The following BCAP31 variants were observed in gnomAD, a reference collection of about 807,000 sequenced individuals.
BCAP31 encodes B cell receptor associated protein 31, also known as B-cell receptor-associated protein 31.
For synonymous variants in BCAP31, 75 were observed against 80.9 expected, an observed-to-expected ratio of 0.93 and a Z score of 0.39; for missense variants, 124 against 193.0, an observed-to-expected ratio of 0.64 and a Z score of 2.12.
chrX:153,721,635 C>A (rs1160138248), intron 2 of BCAP31, among the ~76,000 whole-genome samples: 1 of 106,807 alleles, frequency 9.4e-6, no homozygotes, highest in Non-Finnish European at 1.9e-5. Flanking sequence ...CGTCTGTAAA[C>A]CCAGCACTTT....
At chrX:153,719,614 A>T (rs2091651274) in intron 3 of BCAP31, among the ~76,000 whole-genome samples, 1 of 109,817 alleles carries the variant, frequency 9.1e-6, no homozygotes, top group African/African-American at 3.3e-5. Context: ...ACAGCCCCCC[A>T]CCCGCTCAGT....
intron 2 of BCAP31, among the ~76,000 whole-genome samples, chrX:153,721,691 C>T (rs1209097756): frequency 9.3e-6 from 1 of 107,229 alleles, no homozygotes; most frequent in Non-Finnish European, 1.9e-5. Context: ...AGTTCAAGAC[C>T]GGCCTGGCCA....
rs1213652223 is a variant in BCAP31, at chrX:153,706,186, TC to T, written c.342-2093del. Among the ~76,000 whole-genome samples the T allele has an allele frequency of 3.7e-5, 4 of 108,686 alleles. No individual in the cohort carries two copies. The Admixed American group carries it at 3.9e-4, about 11-fold the overall frequency. The allele number at this position is 108,686 out of a possible 115,157, so 94.4% of individuals were successfully genotyped here. On this transcript the variant is annotated intron_variant, in intron 4 of 7. Coordinates refer to ENST00000345046, the MANE Select transcript of BCAP31 (RefSeq NM_001256447.2). Reference sequence around the variant, plus strand: ...TCCTCTTGCCAACCCTCACAGGCGCTCCCCACCCCCACAGCACCCCGGGCAT... The same window carrying T: ...TCCTCTTGCCAACCCTCACAGGCGCTCCCACCCCCACAGCACCCCGGGCAT...
At chrX:153,715,459 G>T in intron 4 of BCAP31, 83 bp downstream of exon 4, 1 of 1,133,334 alleles carries the variant, frequency 8.8e-7, no homozygotes, top group Non-Finnish European at 1.2e-6. Flanking sequence ...GTCACAGGGG[G>T]GAGACTGAGC....
intron 4 of BCAP31, among the ~76,000 whole-genome samples, chrX:153,707,081 T>C (rs1328582451): frequency 1.8e-5 from 2 of 110,947 alleles, no homozygotes; most frequent in Non-Finnish European, 3.8e-5. Flanking sequence ...TGTGTGGCAG[T>C]TCTCCAGGCC....
In BCAP31 at chrX:153,700,921, G is replaced by C. The variant is rs782150657; in HGVS notation, c.*16C>G. On this transcript the variant is annotated 3_prime_UTR_variant, in exon 8 of 8. Coordinates refer to ENST00000345046, the MANE Select transcript of BCAP31 (RefSeq NM_001256447.2). ...CCAGGTGGAAGCCAGCTGCAGGCAG[G>C]GGAGGAAGGAGGCCCTTACTCTTCC... 4 of 1,199,560 alleles carry C rather than the reference G, an allele frequency of 3.3e-6. No homozygotes were observed. In the African/African-American group the frequency reaches 7.1e-5, roughly 21 times the overall value.
At chrX:153,722,584 G>A (rs782069674) in intron 2 of BCAP31, among the ~76,000 whole-genome samples, 22 of 111,905 alleles carry the variant, frequency 2.0e-4, no homozygotes, top group Non-Finnish European at 3.6e-4. Flanking sequence ...GTGGAGATTT[G>A]GCCTTATTTG....
rs782635531 is a variant in BCAP31, at chrX:153,715,556, G to A, written c.327C>T (p.Ser109=). 2 of 1,209,509 alleles carry A rather than the reference G, an allele frequency of 1.7e-6. No homozygotes were observed. The highest frequency in any genetic ancestry group is 3.5e-5 in the African/African-American group (2 of 57,033). ...AQRNLYIAGF[S]LLLSFLLRRL... is the part of the protein sequence containing the mutation. Reference sequence around the variant, plus strand: ...CCCCCACTCACAAGGACAGCAGCAAGGAAAAGCCAGCAATGTAGAGATTCC... The same window carrying A: ...CCCCCACTCACAAGGACAGCAGCAAAGAAAAGCCAGCAATGTAGAGATTCC... The change falls in exon 4 of 8, where the codon TCC becomes TCT. Residue 109 remains serine, a synonymous_variant. Coordinates refer to ENST00000345046, the MANE Select transcript of BCAP31 (RefSeq NM_001256447.2).
intron 3 of BCAP31, among the ~76,000 whole-genome samples, chrX:153,719,232 T>C (rs2091649075): frequency 9.0e-6 from 1 of 111,704 alleles, no homozygotes; most frequent in South Asian, 3.8e-4. Context: ...ATCCTCAGCA[T>C]GGTCCCTCCC....
intron 1 of BCAP31, 111 bp downstream of exon 1, chrX:153,724,223 G>A: frequency 2.3e-5 from 5 of 213,047 alleles, no homozygotes; most frequent in South Asian, 2.3e-4. Context: ...TGCGGGCCCC[G>A]AGATTCCCCG....
At chrX:153,722,297 G>C (rs1226652482) in intron 2 of BCAP31, among the ~76,000 whole-genome samples, 1 of 112,145 alleles carries the variant, frequency 8.9e-6, no homozygotes, top group Non-Finnish European at 1.9e-5. Flanking sequence ...TTTGGCATTC[G>C]GTAGATAAAC....
In BCAP31 at chrX:153,700,800, G is replaced by C; in HGVS notation, c.*137C>G. 2 of 574,599 alleles carry C rather than the reference G, an allele frequency of 3.5e-6. No homozygotes were observed. Among genetic ancestry groups the C allele is most frequent in the East Asian group, 3.6e-5 (1 of 27,501 alleles). 47.4% of individuals were successfully genotyped at this position (574,599 alleles called of 1,213,427 possible). A position where few individuals can be genotyped will look rare whatever the true frequency, so the allele number is the denominator to read the frequency against. On this transcript the variant is annotated 3_prime_UTR_variant, in exon 8 of 8. Coordinates refer to ENST00000345046, the MANE Select transcript of BCAP31 (RefSeq NM_001256447.2). ...GAGTGTGGACAAGGGCCGAGATGAC[G>C]AGCTATGAGCTGTGGAAGGGAATGG... is the stretch of plus-strand genomic sequence containing the variant.
At chrX:153,702,143 GA>G in intron 6 of BCAP31, 36 bp from the exon 7 acceptor site, 1 of 1,132,203 alleles carries the variant, frequency 8.8e-7, no homozygotes, top group Non-Finnish European at 1.2e-6. Context: ...AAACAGAAAC[GA>G]AAAGACAGGA....
At chrX:153,704,520 C>T (rs1168548285) in intron 4 of BCAP31, among the ~76,000 whole-genome samples, 3 of 112,286 alleles carry the variant, frequency 2.7e-5, no homozygotes, top group Non-Finnish European at 5.6e-5. Context: ...CATGCCAGGC[C>T]GCATCCTCAC....
chrX:153,702,576 C>T (rs782120975), intron 6 of BCAP31: 2 of 191,992 alleles, frequency 1.0e-5, no homozygotes, highest in East Asian at 2.5e-4. Flanking sequence ...CCACTCCCCT[C>T]CTGAACGCCA....
At chrX:153,703,290 C>T (rs1250254706) in intron 5 of BCAP31, among the ~76,000 whole-genome samples, 1 of 113,411 alleles carries the variant, frequency 8.8e-6, no homozygotes, top group Non-Finnish European at 1.9e-5. Context: ...TGCAGCTCGC[C>T]GGGCACGCCT....
intron 7 of BCAP31, 73 bp downstream of exon 7, chrX:153,701,934 C>G: frequency 9.7e-7 from 1 of 1,034,979 alleles, no homozygotes; most frequent in Non-Finnish European, 1.3e-6. Context: ...GGAAGGTTCC[C>G]TCCGCACCCG....
chrX:153,719,340 C>T (rs2091649714), intron 3 of BCAP31, among the ~76,000 whole-genome samples: 1 of 111,596 alleles, frequency 9.0e-6, no homozygotes, highest in Non-Finnish European at 1.9e-5. Flanking sequence ...TATTACCTAC[C>T]TACTCCTGGC....
intron 5 of BCAP31, among the ~76,000 whole-genome samples, 190 bp downstream of exon 5, chrX:153,703,769 A>G (rs1273999887): frequency 8.9e-6 from 1 of 112,043 alleles, no homozygotes; most frequent in Non-Finnish European, 1.9e-5. Context: ...CCGGACCCTC[A>G]CACACAGACG....
Sources: gnomAD v4.1 joint callset for allele counts (sites outside exome capture counted in the v4.1 genomes callset) on GRCh38, gnomAD v4.1.1 for gene constraint, MANE v1.5 for transcripts, NCBI Gene and HGNC (gene_info 2026-07-23, HGNC 2026-07-21) for gene names.